Variants in SLC39A11 observed in about 807,000 individuals in gnomAD.
SLC39A11 encodes the protein solute carrier family 39 member 11.
A neutral mutation model predicts 36.1 loss-of-function variants in SLC39A11; 33 were observed. The ratio of observed to expected loss-of-function variants is 0.91; its 90% CI spans 0.69 to 1.22. The LOEUF (loss-of-function observed/expected upper bound fraction) is 1.22. Among genes scored for constraint, SLC39A11 ranks in the 50% most tolerant of loss-of-function variants. The probability of loss-of-function intolerance (pLI) is 0.00; values close to 1 mark genes in which losing one functional copy is unlikely to be tolerated. For synonymous variants in SLC39A11, 166 were observed against 170.3 expected (o/e 0.97, Z 0.20); for missense variants, 432 against 430.3 (o/e 1.00, Z -0.03).
chr17:73,005,616 A>G (rs1266612075), intron 4 of SLC39A11, among the ~76,000 whole-genome samples: 5 of 152,202 alleles, frequency 3.3e-5, no homozygotes, highest in Non-Finnish European at 4.4e-5. Flanking sequence ...ACCTGCTCAC[A>G]GAGGCTCCAT....
intron 3 of SLC39A11, among the ~76,000 whole-genome samples, chr17:73,041,009 CA>C (rs201482199): frequency 1.9e-4 from 27 of 140,154 alleles, no homozygotes; most frequent in Admixed American, 4.3e-4. Flanking sequence ...AAACAAAAAA[CA>C]AAAAAAAAAA....
chr17:72,808,780 T>C (rs1168033882), intron 6 of SLC39A11, among the ~76,000 whole-genome samples: 4 of 151,434 alleles, frequency 2.6e-5, no homozygotes, highest in Non-Finnish European at 5.9e-5. Context: ...TAAGCAATCC[T>C]GTCCTGTGGC....
At position 72,912,993 on chromosome 17, in the gene SLC39A11, C is replaced by CT. The variant is rs1057110672; in HGVS notation, c.430+34758dup. On this transcript the variant is annotated intron_variant, in intron 5 of 9. Transcript: ENST00000255559. ...GGTAGCAAAATATATACCATTTCTG[C>CT]TTTTTTAAATATGCTTGGGTATTAA... Among the ~76,000 whole-genome samples, 165 of 152,154 alleles carry CT rather than the reference C, an allele frequency of 1.1e-3. 1 individual carries two copies. The highest frequency in any genetic ancestry group is 3.8e-3 in the African/African-American group (157 of 41,508).
chr17:72,740,420 G>A (rs144865368), intron 6 of SLC39A11, among the ~76,000 whole-genome samples: 58 of 152,184 alleles, frequency 3.8e-4, no homozygotes, highest in African/African-American at 1.2e-3. Flanking sequence ...TTACAGTGCC[G>A]TACTGTATTT....
intron 3 of SLC39A11, among the ~76,000 whole-genome samples, chr17:73,051,684 CCT>C (rs2059504862): frequency 6.7e-6 from 1 of 149,224 alleles, no homozygotes; most frequent in Non-Finnish European, 1.5e-5. Context: ...ATGGTGAAAC[CCT>C]GTGTCTACAA....
At chr17:72,971,586 A>G (rs971197743) in intron 4 of SLC39A11, among the ~76,000 whole-genome samples, 9 of 152,208 alleles carry the variant, frequency 5.9e-5, no homozygotes, top group Non-Finnish European at 1.2e-4. Flanking sequence ...TGTGATCAAC[A>G]GCATTTCGAG....
chr17:72,706,552 A>T (rs1291800919), intron 7 of SLC39A11, among the ~76,000 whole-genome samples: 2 of 152,222 alleles, frequency 1.3e-5, no homozygotes, highest in East Asian at 3.8e-4. Context: ...GTGGCAAAAC[A>T]AATAATTACT....
intron 7 of SLC39A11, among the ~76,000 whole-genome samples, chr17:72,689,983 C>T (rs1391115838): frequency 1.3e-5 from 2 of 152,240 alleles, no homozygotes; most frequent in Non-Finnish European, 2.9e-5. Context: ...AAAGCCTCCT[C>T]TCCACCGAGC....
chr17:72,888,937 T>C (rs2081581647), intron 5 of SLC39A11, among the ~76,000 whole-genome samples: 1 of 152,022 alleles, frequency 6.6e-6, no homozygotes, highest in African/African-American at 2.4e-5. Flanking sequence ...AACGAAAGTG[T>C]AGACAGGAGT....
At chr17:72,715,268 A>G (rs909919564) in intron 7 of SLC39A11, among the ~76,000 whole-genome samples, 1 of 152,212 alleles carries the variant, frequency 6.6e-6, no homozygotes. Flanking sequence ...AAATCAAATT[A>G]CCGAATGATT....
chr17:72,911,622 C>G (rs534527307), intron 5 of SLC39A11, among the ~76,000 whole-genome samples: 19 of 152,152 alleles, frequency 1.2e-4, no homozygotes, highest in African/African-American at 4.3e-4. Flanking sequence ...GATTCTGATT[C>G]TTCTGTGAAG....
At chr17:72,902,415 G>A (rs2082440447) in intron 5 of SLC39A11, among the ~76,000 whole-genome samples, 1 of 147,972 alleles carries the variant, frequency 6.8e-6, no homozygotes, top group African/African-American at 2.5e-5. Flanking sequence ...CTAGGAAGAG[G>A]CAAGTAAGGA....
intron 5 of SLC39A11, among the ~76,000 whole-genome samples, chr17:72,888,123 T>G (rs6501572): frequency 0.5 from 76,610 of 152,098 alleles, 20,737 homozygotes; most frequent in East Asian, 0.72. Flanking sequence ...TATGAGTCAG[T>G]ACTGAATAAC....
chr17:72,745,506 T>C (rs2074895875), intron 6 of SLC39A11, among the ~76,000 whole-genome samples: 1 of 152,196 alleles, frequency 6.6e-6, no homozygotes, highest in Non-Finnish European at 1.5e-5. Flanking sequence ...CATGAATGCA[T>C]TCCTCTTGGG....
At chr17:73,055,670 C>T (rs1199141052) in intron 3 of SLC39A11, among the ~76,000 whole-genome samples, 1 of 151,940 alleles carries the variant, frequency 6.6e-6, no homozygotes, top group Non-Finnish European at 1.5e-5. Context: ...CGGAGACCTC[C>T]CTATGTTGCC....
chr17:72,989,138 G>A (rs2148271664), intron 4 of SLC39A11, among the ~76,000 whole-genome samples: 1 of 152,278 alleles, frequency 6.6e-6, no homozygotes, highest in East Asian at 1.9e-4. Flanking sequence ...ACGTAAAAAT[G>A]GTTATGCTGG....
chr17:72,837,903 C>T, intron 6 of SLC39A11: 1 of 1,210,608 alleles, frequency 8.3e-7, no homozygotes. Context: ...TGGGGAGTGA[C>T]TGCTAATAAG....
chr17:73,026,987 T>C (rs1035388333), intron 4 of SLC39A11, among the ~76,000 whole-genome samples: 1 of 152,000 alleles, frequency 6.6e-6, no homozygotes, highest in Non-Finnish European at 1.5e-5. Flanking sequence ...CCGGGCATGG[T>C]AGCACACGCC....
At chr17:72,724,652 C>T (rs899562848) in intron 7 of SLC39A11, among the ~76,000 whole-genome samples, 6 of 152,140 alleles carry the variant, frequency 3.9e-5, no homozygotes, top group African/African-American at 1.4e-4. Context: ...CTTTTCCACT[C>T]TGAGACTTCA....
Sources: allele counts gnomAD v4.1 joint callset (sites outside exome capture counted in the v4.1 genomes callset), GRCh38; gene constraint gnomAD v4.1.1; transcripts MANE v1.5; gene names NCBI Gene and HGNC (gene_info 2026-07-23, HGNC 2026-07-21).